Variants in BRD7 observed in about 807,000 individuals in gnomAD.
The protein encoded by BRD7 is bromodomain containing 7, also known as bromodomain-containing protein 7.
A neutral mutation model predicts 82.1 loss-of-function variants in BRD7; 15 were observed. That is an observed-to-expected ratio of 0.18 (90% CI 0.12 to 0.28). The LOEUF (loss-of-function observed/expected upper bound fraction) is 0.28. Among genes scored for constraint, BRD7 ranks in the 10% least tolerant of loss-of-function variants. The pLI is 1.00. For missense variants in BRD7, 638 were observed against 779.9 expected (o/e 0.82, Z 2.17); for synonymous variants, 232 against 266.9 (o/e 0.87, Z 1.27).
At chr16:50,368,517 C>A (rs1030189575) in intron 1 of BRD7, 20 of 732,554 alleles carry the variant, frequency 2.7e-5, no homozygotes, top group Non-Finnish European at 4.0e-5. Context: ...CGTCTCCCCA[C>A]CAGAGACCCA....
intron 6 of BRD7, among the ~76,000 whole-genome samples, chr16:50,338,192 T>A (rs2037896653): frequency 6.6e-6 from 1 of 152,170 alleles, no homozygotes. Context: ...TATGGCATGG[T>A]TCTAGATTCT....
chr16:50,330,978 T>C (rs1212047210), intron 8 of BRD7, among the ~76,000 whole-genome samples: 1 of 152,090 alleles, frequency 6.6e-6, no homozygotes, highest in Non-Finnish European at 1.5e-5. Flanking sequence ...AAATGTATTT[T>C]TGGTAAAGAT....
chr16:50,354,530 A>C (rs370487630), intron 3 of BRD7, 48 bp from the exon 4 acceptor site: 1 of 1,479,706 alleles, frequency 6.8e-7, no homozygotes, highest in East Asian at 2.3e-5. Context: ...GGAGTATTCT[A>C]GAGAGTATTA....
intron 2 of BRD7, 87 bp downstream of exon 2, chr16:50,368,003 T>TGC: frequency 7.3e-7 from 1 of 1,367,080 alleles, no homozygotes. Flanking sequence ...GCGTTTGTTT[T>TGC]CCCCAGATAC....
rs148401358 is a variant in BRD7, at chr16:50,354,856, C to T, written c.325G>A (p.Ala109Thr). The T allele has an allele frequency of 6.4e-5, 103 of 1,613,062 alleles. No individual in the cohort carries two copies. In the African/African-American group the frequency reaches 6.4e-4, roughly 10 times the overall value. Residue 109 changes from alanine to threonine, a missense_variant, in exon 3 of 17, where the codon GCC (alanine) becomes ACC (threonine). Physicochemically the swap from Ala to Thr is moderately conservative, Grantham distance 58. This residue lies in a region of BRD7 where 172 missense variants were observed against 155.3 expected (regional missense o/e 1.11). Transcript: ENST00000394688. ...GGAGGCAAGTCTAATCTCACAGGGG[C>T]GTGACACTGGAGATCTTTTTCTGCC... ...NEAEKDLQCH[A>T]PVRLDLPPEK...
In BRD7 at chr16:50,320,244, A is replaced by G; in HGVS notation, c.1756+4T>C. 1 of 1,609,930 alleles carries G rather than the reference A, an allele frequency of 6.2e-7. No homozygotes were observed. The highest frequency in any genetic ancestry group is 2.2e-5 in the East Asian group (1 of 44,848). On this transcript the variant is annotated splice_donor_region_variant and intron_variant, in intron 15 of 16. Coordinates refer to ENST00000394688, the MANE Select transcript of BRD7 (RefSeq NM_013263.5). ...ACTCTCCTCTTATGGGAGGCAAAAC[A>G]TACCAAGATGCATTTCTCTGTATGA...
intron 2 of BRD7, among the ~76,000 whole-genome samples, chr16:50,360,505 T>A (rs1019910923): frequency 2.6e-5 from 4 of 152,234 alleles, no homozygotes; most frequent in African/African-American, 9.6e-5. Flanking sequence ...CTACACACGT[T>A]AGCCATTAGC....
At chr16:50,361,454 C>G (rs2038932918) in intron 2 of BRD7, among the ~76,000 whole-genome samples, 1 of 152,142 alleles carries the variant, frequency 6.6e-6, no homozygotes, top group South Asian at 2.1e-4. Flanking sequence ...AGTCGACCTA[C>G]AAAGCTATTA....
At chr16:50,323,466 G>A in intron 12 of BRD7, 121 bp downstream of exon 12, 5 of 828,646 alleles carry the variant, frequency 6.0e-6, no homozygotes, top group Non-Finnish European at 7.7e-6. Context: ...GGGCTGGGCT[G>A]TCTTTCAGGG....
At chr16:50,342,278 A>G (rs2151173433) in intron 5 of BRD7, among the ~76,000 whole-genome samples, 1 of 152,294 alleles carries the variant, frequency 6.6e-6, no homozygotes, top group Non-Finnish European at 1.5e-5. Context: ...TTCACCAGAT[A>G]AAAAGTTGGG....
At position 50,322,025 on chromosome 16, in the gene BRD7, T is replaced by C. The variant is rs2037140019; in HGVS notation, c.1457A>G (p.Asp486Gly). 1 of 1,610,926 alleles carries C rather than the reference T, an allele frequency of 6.2e-7. No individual in the cohort carries two copies. Among genetic ancestry groups the C allele is most frequent in the African/African-American group, 1.3e-5 (1 of 74,890 alleles). The change falls in exon 13 of 17, where the codon GAT (aspartate) becomes GGT (glycine). Residue 486 changes from aspartate to glycine, a missense_variant. Physicochemically the swap from Asp to Gly is moderately conservative, Grantham distance 94. This residue lies in a region of BRD7 where 402 missense variants were observed against 500.8 expected (regional missense o/e 0.80). Transcript: ENST00000394688. ...GTCAAGTGTCCTAGTATGGCCTTCA[T>C]CTTCAGGCAATGACTATAAGGATGA... ...LQEMEMSLPE[D>G]EGHTRTLDTA...
intron 5 of BRD7, among the ~76,000 whole-genome samples, chr16:50,342,044 C>T (rs4643314): frequency 0.37 from 56,640 of 151,366 alleles, 12,251 homozygotes; most frequent in Middle Eastern, 0.5. Flanking sequence ...AAAGTGGCAA[C>T]GTAGAAATTC....
chr16:50,321,793 G>A (rs1468074184), intron 13 of BRD7, among the ~76,000 whole-genome samples, 189 bp downstream of exon 13: 1 of 152,052 alleles, frequency 6.6e-6, no homozygotes. Flanking sequence ...AACTTGTGGG[G>A]GAGAAACTGT....
At chr16:50,351,846 G>T (rs1454658813) in intron 4 of BRD7, among the ~76,000 whole-genome samples, 1 of 89,698 alleles carries the variant, frequency 1.1e-5, no homozygotes, top group Non-Finnish European at 2.1e-5. Context: ...ATGTATGTAT[G>T]TATGTATGTA....
At chr16:50,361,453 A>G (rs1227215961) in intron 2 of BRD7, among the ~76,000 whole-genome samples, 1 of 152,232 alleles carries the variant, frequency 6.6e-6, no homozygotes, top group African/African-American at 2.4e-5. Flanking sequence ...AAGTCGACCT[A>G]CAAAGCTATT....
rs71138063 is a variant in BRD7, at chr16:50,337,256, C to CTT, written c.703-2363_703-2362dup. On this transcript the variant is annotated intron_variant, in intron 6 of 16. Coordinates refer to ENST00000394688, the MANE Select transcript of BRD7 (RefSeq NM_013263.5). ...AGTTACTCTTCATCTGTTCATTCTT[C>CTT]TTTTTTTTTTTTTTTTTTTTTGAGA... Among the ~76,000 whole-genome samples, 616 of 93,074 alleles carry CTT rather than the reference C, an allele frequency of 6.6e-3. 3 individuals are homozygous for CTT. Among genetic ancestry groups the CTT allele is most frequent in the Non-Finnish European group, 9.0e-3 (455 of 50,330 alleles). 61.1% of individuals were successfully genotyped at this position (93,074 alleles called of 152,430 possible).
At chr16:50,344,901 C>G (rs1485932705) in intron 5 of BRD7, among the ~76,000 whole-genome samples, 1 of 152,152 alleles carries the variant, frequency 6.6e-6, no homozygotes, top group Non-Finnish European at 1.5e-5. Context: ...TATTCAAATT[C>G]AGGAAATACA....
chr16:50,363,847 G>A (rs889477121), intron 2 of BRD7, among the ~76,000 whole-genome samples: 2 of 152,100 alleles, frequency 1.3e-5, no homozygotes, highest in Non-Finnish European at 2.9e-5. Context: ...CCTGACCCCA[G>A]AAGTTTGGGA....
chr16:50,330,289 T>A (rs2037504730), intron 8 of BRD7, among the ~76,000 whole-genome samples: 1 of 151,976 alleles, frequency 6.6e-6, no homozygotes, highest in Non-Finnish European at 1.5e-5. Context: ...GGCTCCCTCT[T>A]GAAACCAGTA....
Sources: gnomAD v4.1 joint callset for allele counts (sites outside exome capture counted in the v4.1 genomes callset) on GRCh38, gnomAD v4.1.1 for gene constraint, gnomAD v4.1.1 regional missense constraint, MANE v1.5 for transcripts, NCBI Gene and HGNC (gene_info 2026-07-23, HGNC 2026-07-21) for gene names.